The following COL5A1 variants were observed in gnomAD, a reference collection of about 807,000 sequenced individuals.
The protein encoded by COL5A1 is collagen type V alpha 1 chain.
In COL5A1, 16 loss-of-function variants were observed where a neutral mutation model predicts 263.7. That is an observed-to-expected ratio of 0.06 (90% confidence interval 0.04 to 0.09). COL5A1 has a LOEUF of 0.09. COL5A1 is among the 10% of genes least tolerant of loss of function. The pLI, the probability that COL5A1 is intolerant of heterozygous loss-of-function variation, is 1.00. For missense variants in COL5A1, 2,036 were observed against 2,540.5 expected (o/e 0.80, Z 4.27); for synonymous variants, 1,012 against 1,004.5 (o/e 1.01, Z -0.14).
chr9:134,828,550 A>AC (rs1839396859), intron 63 of COL5A1, among the ~76,000 whole-genome samples: 1 of 149,722 alleles, frequency 6.7e-6, no homozygotes, highest in African/African-American at 2.5e-5. Context: ...CCACAGAGAT[A>AC]CGCACCACAC....
At chr9:134,735,862 A>G (rs2132650624) in intron 9 of COL5A1, among the ~76,000 whole-genome samples, 1 of 152,328 alleles carries the variant, frequency 6.6e-6, no homozygotes. Context: ...CACAGTGCAG[A>G]GCTCCCCAGC....
In COL5A1 at chr9:134,750,831, C is replaced by T. The variant is rs1053356168; in HGVS notation, c.1611C>T (p.Pro537=). ...GCGGCGATGCGGGCTCCAAAGGCCCCATGGTCTCAGCCCAGGAGTCCCAGG... is the reference window on the plus strand; with the variant it reads ...GCGGCGATGCGGGCTCCAAAGGCCCTATGGTCTCAGCCCAGGAGTCCCAGG... ...GGGGDAGSKG[P]MVSAQESQAQ... Residue 537 remains proline, a synonymous_variant, in exon 13 of 66, where the codon CCC becomes CCT. Coordinates refer to ENST00000371817, the MANE Select transcript of COL5A1 (RefSeq NM_000093.5). 1 of 1,613,218 alleles carries T rather than the reference C, an allele frequency of 6.2e-7. No homozygotes were observed. Among genetic ancestry groups the T allele is most frequent in the Non-Finnish European group, 8.5e-7 (1 of 1,180,020 alleles).
intron 4 of COL5A1, among the ~76,000 whole-genome samples, chr9:134,715,241 G>T (rs1200062466): frequency 6.6e-6 from 1 of 152,102 alleles, no homozygotes; most frequent in African/African-American, 2.4e-5. Flanking sequence ...GCTGTGCTTT[G>T]ATGTGCACAT....
intron 4 of COL5A1, among the ~76,000 whole-genome samples, chr9:134,704,529 C>T (rs142975324): frequency 3.9e-5 from 6 of 152,252 alleles, no homozygotes; most frequent in East Asian, 3.9e-4. Context: ...GGCTTCTGGT[C>T]GAACGGTAAG....
chr9:134,781,469 C>T (rs1837253337), intron 28 of COL5A1, among the ~76,000 whole-genome samples: 1 of 152,224 alleles, frequency 6.6e-6, no homozygotes, highest in African/African-American at 2.4e-5. Context: ...CCCGTTGGTC[C>T]CCGGGAGGCT....
chr9:134,780,609 G>C (rs1394607092), intron 28 of COL5A1, among the ~76,000 whole-genome samples: 1 of 152,246 alleles, frequency 6.6e-6, no homozygotes, highest in Non-Finnish European at 1.5e-5. Flanking sequence ...AGGCAGGGAG[G>C]GAGAGAGGCC....
intron 9 of COL5A1, among the ~76,000 whole-genome samples, chr9:134,735,015 A>AATT (rs2132649055): frequency 6.6e-6 from 1 of 152,178 alleles, no homozygotes; most frequent in East Asian, 1.9e-4. Context: ...GTTCGAGACC[A>AATT]TCCTGACCAC....
Position 134,767,548 on chromosome 9 carries a change from C to G in COL5A1, c.2232+194C>G, listed in dbSNP as rs576942515. Among the ~76,000 whole-genome samples the G allele has an allele frequency of 4.6e-5, 7 of 152,344 alleles. No individual in the cohort carries two copies. In the East Asian group the frequency reaches 1.3e-3, roughly 29 times the overall value. ...ATTTTGGATCCGTGTCTCATTGATT[C>G]ATACGTTTATTCATTCATTCATTCT... On this transcript the variant is annotated intron_variant, in intron 24 of 65. Transcript: ENST00000371817.
chr9:134,765,631 G>T lies in COL5A1; in HGVS notation c.2035-50G>T. 6.5e-7 allele frequency: 1 copy of T among 1,541,682 alleles called. No homozygotes were observed. The highest frequency in any genetic ancestry group is 9.0e-7 in the Non-Finnish European group (1 of 1,114,000). On this transcript the variant is annotated intron_variant, in intron 20 of 65. Transcript: ENST00000371817. This position sits in a 1 kb window ranked among gnomAD's most constrained non-coding sequence, Gnocchi z 5.1. ...GTGGGCATAGGGGACAGAGAGGAGG[G>T]CTGGGATTTCTGCCCGAGTTTAAAT...
At chr9:134,747,783 AC>A (rs1247794229) in intron 11 of COL5A1, among the ~76,000 whole-genome samples, 2 of 152,022 alleles carry the variant, frequency 1.3e-5, no homozygotes, top group Non-Finnish European at 2.9e-5. Context: ...ACACATGCAC[AC>A]ATGCATTCAT....
chr9:134,802,094 T>C, intron 38 of COL5A1, 87 bp downstream of exon 38: 2 of 1,348,034 alleles, frequency 1.5e-6, no homozygotes, highest in Non-Finnish European at 2.1e-6. Context: ...ATCTGTTCCC[T>C]CCACGATTCC....
At chr9:134,786,458 T>G (rs1837462921) in intron 31 of COL5A1, among the ~76,000 whole-genome samples, 1 of 152,198 alleles carries the variant, frequency 6.6e-6, no homozygotes, top group Admixed American at 6.5e-5. Context: ...GGGGTCCTTC[T>G]GGGATCCTCC....
At chr9:134,705,565 C>A (rs549300793) in intron 4 of COL5A1, among the ~76,000 whole-genome samples, 2 of 152,224 alleles carry the variant, frequency 1.3e-5, no homozygotes, top group Non-Finnish European at 2.9e-5. Flanking sequence ...CTTGGAGCCC[C>A]GTGTCCTCAT....
Position 134,681,008 on chromosome 9 carries a change from A to C in COL5A1, c.110-9904A>C, listed in dbSNP as rs1038656828. On this transcript the variant is annotated intron_variant, in intron 1 of 65. Transcript: ENST00000371817. The surrounding 1 kb of genome is among the most constrained non-coding windows in gnomAD (Gnocchi z 4.3). ...GGATGGTGTCCTCGGCCTGTGCTGCAGCCCCAGGCCCTCTGTGCATTTCCC... is the reference window on the plus strand; with the variant it reads ...GGATGGTGTCCTCGGCCTGTGCTGCCGCCCCAGGCCCTCTGTGCATTTCCC... 2.0e-4 allele frequency among the ~76,000 whole-genome samples: 31 copies of C among 152,270 alleles called. 1 individual carries two copies. The highest frequency in any genetic ancestry group is 7.5e-4 in the African/African-American group (31 of 41,544).
In COL5A1 at chr9:134,754,411, G is replaced by T; in HGVS notation, c.1827+85G>T. On this transcript the variant is annotated intron_variant, in intron 16 of 65. Transcript: ENST00000371817. This position sits in a 1 kb window ranked among gnomAD's most constrained non-coding sequence, Gnocchi z 4.3. Reference sequence around the variant, plus strand: ...ATCTGGGGTGCGGGCACCCCCAACAGCCAGCTGGGCCACATGAAGCCAGGT... The same window carrying T: ...ATCTGGGGTGCGGGCACCCCCAACATCCAGCTGGGCCACATGAAGCCAGGT... 1 of 1,469,484 alleles carries T rather than the reference G, an allele frequency of 6.8e-7. No homozygotes were observed. 91.0% of individuals were successfully genotyped at this position (1,469,484 alleles called of 1,614,324 possible).
At chr9:134,813,494 T>C (rs1838619391) in intron 48 of COL5A1, among the ~76,000 whole-genome samples, 1 of 152,222 alleles carries the variant, frequency 6.6e-6, no homozygotes, top group Non-Finnish European at 1.5e-5. Context: ...AGGGTGATGG[T>C]GTGCGGCTTC....
rs548393414 is a variant in COL5A1, at chr9:134,750,781, C to A, written c.1570-9C>A. ...TGCTCCCAGAGTGACCCTTGTCTTA[C>A]ACTTGCAGTTCCGGTTTGGAGGTGG... On this transcript the variant is annotated splice_polypyrimidine_tract_variant and intron_variant, in intron 12 of 65. Coordinates refer to ENST00000371817, the MANE Select transcript of COL5A1 (RefSeq NM_000093.5). The A allele has an allele frequency of 6.2e-7, 1 of 1,613,268 alleles. No individual in the cohort carries two copies. Among genetic ancestry groups the A allele is most frequent in the African/African-American group, 1.3e-5 (1 of 75,076 alleles).
chr9:134,782,622 G>A (rs368301001), intron 28 of COL5A1, 45 bp from the exon 29 acceptor site: 32 of 1,581,372 alleles, frequency 2.0e-5, no homozygotes, highest in Middle Eastern at 1.7e-4. Context: ...CCAGGGAGGC[G>A]GGTCCTCTTG....
chr9:134,731,362 C>G, intron 7 of COL5A1, 134 bp from the exon 8 acceptor site: 1 of 911,582 alleles, frequency 1.1e-6, no homozygotes. Context: ...AGCCATGGTG[C>G]CAGCACAGGG....
Sources: gnomAD v4.1 joint callset for allele counts (sites outside exome capture counted in the v4.1 genomes callset) on GRCh38, gnomAD v4.1.1 for gene constraint, Gnocchi (gnomAD v3.1) non-coding constraint, MANE v1.5 for transcripts, NCBI Gene and HGNC (gene_info 2026-07-23, HGNC 2026-07-21) for gene names.